The following SFT2D3 variants were observed in gnomAD, a reference collection of about 807,000 sequenced individuals.
SFT2D3 encodes SFT2 domain containing 3.
For missense variants in SFT2D3, 405 were observed against 334.6 expected (o/e 1.21, Z -1.64); for synonymous variants, 239 against 191.2 (o/e 1.25, Z -2.06).
Position 127,701,764 on chromosome 2 carries a change from C to T in SFT2D3, c.236C>T (p.Ala79Val), listed in dbSNP as rs1400301496. ...GTGACGCGCGGGCAGCGGCTGGCGG[C>T]GGGCGGCGGGTGCCTGCTGCTGGCT... Reference protein sequence around the residue: ...PSVTRGQRLAAGGGCLLLAAL... With the variant: ...PSVTRGQRLAVGGGCLLLAAL... The change falls in exon 1 of 1, where the codon GCG becomes GTG. Residue 79 changes from alanine (A) to valine (V), a missense_variant. Ala to Val is a moderately conservative substitution (Grantham distance 64). Transcript: ENST00000310981. The T allele has an allele frequency of 2.8e-6, 4 of 1,423,606 alleles. No individual in the cohort carries two copies. The highest frequency in any genetic ancestry group is 2.6e-5 in the Admixed American group (1 of 38,102). 88.2% of individuals were successfully genotyped at this position (1,423,606 alleles called of 1,614,324 possible). A position where few individuals can be genotyped will look rare whatever the true frequency, so the allele number is the denominator to read the frequency against.
At position 127,703,137 on chromosome 2, in the gene SFT2D3, AACT is replaced by A. The variant is rs1267926434; in HGVS notation, c.*964_*966del. ...GCCTAACATTCTGATGAGTCCAGAA[AACT>A]ACGTTTTGTCAGTAGCAATACACTA... On this transcript the variant is annotated 3_prime_UTR_variant, in exon 1 of 1. Coordinates refer to ENST00000310981, the MANE Select transcript of SFT2D3 (RefSeq NM_032740.4). 6.0e-6 allele frequency: 1 copy of A among 167,078 alleles called. No homozygotes were observed. Among genetic ancestry groups the A allele is most frequent in the Non-Finnish European group, 1.5e-5 (1 of 68,112 alleles). The allele number at this position is 167,078 out of a possible 1,614,324, so 10.3% of individuals were successfully genotyped here. A position where few individuals can be genotyped will look rare whatever the true frequency, so the allele number is the denominator to read the frequency against.
Position 127,701,524 on chromosome 2 carries a change from C to G in SFT2D3, c.-5C>G. On this transcript the variant is annotated 5_prime_UTR_variant, in exon 1 of 1. Coordinates refer to ENST00000310981, the MANE Select transcript of SFT2D3 (RefSeq NM_032740.4). ...CTTTTCCTTTCTGCCACCGCCTTGTCCAAGATGGCGGACCTCCACCGCCAG... is the reference window on the plus strand; with the variant it reads ...CTTTTCCTTTCTGCCACCGCCTTGTGCAAGATGGCGGACCTCCACCGCCAG... 1.5e-6 allele frequency: 2 copies of G among 1,317,712 alleles called. No individual in the cohort carries two copies. Among genetic ancestry groups the G allele is most frequent in the Non-Finnish European group, 1.9e-6 (2 of 1,031,634 alleles). The allele number at this position is 1,317,712 out of a possible 1,614,324, so 81.6% of individuals were successfully genotyped here.
At position 127,702,563 on chromosome 2, in the gene SFT2D3, A is replaced by C. The variant is rs1007982715; in HGVS notation, c.*387A>C. The C allele has an allele frequency of 5.9e-6, 1 of 169,714 alleles. No individual in the cohort carries two copies. The highest frequency in any genetic ancestry group is 2.4e-5 in the African/African-American group (1 of 41,578). 10.5% of individuals were successfully genotyped at this position (169,714 alleles called of 1,614,324 possible). ...TTCTCAGGCTGTTTTGTCATTTTAA[A>C]ATCCAGTGGTAGATGTAGCTTAGCG... On this transcript the variant is annotated 3_prime_UTR_variant, in exon 1 of 1. Transcript: ENST00000310981.
Position 127,701,611 on chromosome 2 carries a change from C to A in SFT2D3, c.83C>A (p.Ala28Asp). Residue 28 changes from alanine (A) to aspartate (D), a missense_variant, in exon 1 of 1, where the codon GCC becomes GAC. Transcript: ENST00000310981. Reference sequence around the variant, plus strand: ...CCGGCGGCCGCGGAGCCGCTGCTCGCCGCGGAGAAGGCGGAGGAGCCCGGG... The same window carrying A: ...CCGGCGGCCGCGGAGCCGCTGCTCGACGCGGAGAAGGCGGAGGAGCCCGGG... ...GGPAAAEPLL[A>D]AEKAEEPGDR... 7.4e-7 allele frequency: 1 copy of A among 1,346,520 alleles called. No homozygotes were observed. The highest frequency in any genetic ancestry group is 1.9e-5 in the South Asian group (1 of 53,840). The allele number at this position is 1,346,520 out of a possible 1,614,324, so 83.4% of individuals were successfully genotyped here.
At position 127,703,057 on chromosome 2, in the gene SFT2D3, A is replaced by AT. The variant is rs1267879429; in HGVS notation, c.*885dup. 1.2e-5 allele frequency: 2 copies of AT among 167,014 alleles called. No individual in the cohort carries two copies. Among genetic ancestry groups the AT allele is most frequent in the Non-Finnish European group, 2.9e-5 (2 of 68,118 alleles). 10.3% of individuals were successfully genotyped at this position (167,014 alleles called of 1,614,324 possible). ...TTTATATCTAATTGCTGCTGCCTTC[A>AT]TTTTAGGTTCAGCAGTTACTTTTAA... On this transcript the variant is annotated 3_prime_UTR_variant, in exon 1 of 1. Coordinates refer to ENST00000310981, the MANE Select transcript of SFT2D3 (RefSeq NM_032740.4).
At position 127,702,075 on chromosome 2, in the gene SFT2D3, G is replaced by C; in HGVS notation, c.547G>C (p.Ala183Pro). The C allele has an allele frequency of 3.3e-6, 4 of 1,222,366 alleles. No individual in the cohort carries two copies. Among genetic ancestry groups the C allele is most frequent in the Non-Finnish European group, 4.1e-6 (4 of 983,312 alleles). The allele number at this position is 1,222,366 out of a possible 1,614,324, so 75.7% of individuals were successfully genotyped here. A position where few individuals can be genotyped will look rare whatever the true frequency, so the allele number is the denominator to read the frequency against. The change falls in exon 1 of 1, where the codon GCG (alanine) becomes CCG (proline). Residue 183 changes from alanine to proline, a missense_variant. Ala to Pro is a conservative substitution (Grantham distance 27). Transcript: ENST00000310981. ...AGAQVAALLAALVGLLPWGGG... is the reference protein window; with the variant it reads ...AGAQVAALLAPLVGLLPWGGG... ...CGCGCAGGTGGCCGCGCTGCTGGCCGCGCTGGTTGGGCTGCTGCCCTGGGG... is the reference window on the plus strand; with the variant it reads ...CGCGCAGGTGGCCGCGCTGCTGGCCCCGCTGGTTGGGCTGCTGCCCTGGGG...
Position 127,702,055 on chromosome 2 carries a change from AGGTGGCCGCGCTGCTGGCCGCGCT to A in SFT2D3, c.531_554del (p.Ala178_Val185del). ...CTCACGGTGCTGGGCGCGGGCGCGC[AGGTGGCCGCGCTGCTGGCCGCGCT>A]GGTTGGGCTGCTGCCCTGGGGCGGC... On this transcript the variant is annotated inframe_deletion, in exon 1 of 1. Transcript: ENST00000310981. The A allele has an allele frequency of 3.3e-6, 4 of 1,225,488 alleles. No individual in the cohort carries two copies. Among genetic ancestry groups the A allele is most frequent in the Non-Finnish European group, 4.1e-6 (4 of 985,644 alleles). 75.9% of individuals were successfully genotyped at this position (1,225,488 alleles called of 1,614,324 possible).
Position 127,701,785 on chromosome 2 carries a change from T to A in SFT2D3, c.257T>A (p.Leu86Gln), listed in dbSNP as rs763854556. The change falls in exon 1 of 1, where the codon CTG becomes CAG. Residue 86 changes from leucine to glutamine, a missense_variant. Leu to Gln is a moderately radical substitution (Grantham distance 113, BLOSUM62 -2). Transcript: ENST00000310981. ...GCGGCGGGCGGCGGGTGCCTGCTGC[T>A]GGCTGCACTGTGTTTCGGCCTAGCC... ...RLAAGGGCLL[L>Q]AALCFGLAAL... 4.6e-4 allele frequency: 664 copies of A among 1,445,710 alleles called. 1 individual carries two copies. Among genetic ancestry groups the A allele is most frequent in the Admixed American group, 1.1e-3 (45 of 39,796 alleles). 89.6% of individuals were successfully genotyped at this position (1,445,710 alleles called of 1,614,324 possible).
At position 127,704,847 on chromosome 2, in the gene SFT2D3, G is replaced by T; in HGVS notation, c.*2671G>T. 1 of 166,792 alleles carries T rather than the reference G, an allele frequency of 6.0e-6. No homozygotes were observed. The highest frequency in any genetic ancestry group is 1.5e-5 in the Non-Finnish European group (1 of 68,124). The allele number at this position is 166,792 out of a possible 1,614,324, so 10.3% of individuals were successfully genotyped here. Reference sequence around the variant, plus strand: ...TCAGATCTGCAATCCCAGCACTTTGGGAGGCCACAGCAGGTGGACCGCTTG... The same window carrying T: ...TCAGATCTGCAATCCCAGCACTTTGTGAGGCCACAGCAGGTGGACCGCTTG... On this transcript the variant is annotated 3_prime_UTR_variant, in exon 1 of 1. Coordinates refer to ENST00000310981, the MANE Select transcript of SFT2D3 (RefSeq NM_032740.4).
At position 127,701,875 on chromosome 2, in the gene SFT2D3, C is replaced by CGGCGCT. The variant is rs1558914254; in HGVS notation, c.352_357dup (p.Leu120_Ala121dup). On this transcript the variant is annotated inframe_insertion, in exon 1 of 1. Transcript: ENST00000310981. The stretch of plus-strand genomic sequence containing the variant: ...TTCGCGCTGCTCTGGTCACTGGGCT[C>CGGCGCT]GGCGCTGGCGTTGGCGGGAAGCGCG... The CGGCGCT allele has an allele frequency of 3.4e-6, 5 of 1,456,712 alleles. No homozygotes were observed. The highest frequency in any genetic ancestry group is 2.5e-5 in the Admixed American group (1 of 39,882). The allele number at this position is 1,456,712 out of a possible 1,614,324, so 90.2% of individuals were successfully genotyped here.
In SFT2D3 at chr2:127,702,240, C is replaced by A; in HGVS notation, c.*64C>A. 8.5e-7 allele frequency: 1 copy of A among 1,181,890 alleles called. No individual in the cohort carries two copies. The highest frequency in any genetic ancestry group is 1.6e-5 in the African/African-American group (1 of 62,248). 73.2% of individuals were successfully genotyped at this position (1,181,890 alleles called of 1,614,324 possible). On this transcript the variant is annotated 3_prime_UTR_variant, in exon 1 of 1. Transcript: ENST00000310981. The stretch of plus-strand genomic sequence containing the variant: ...CAGCGCCGTCGGAGACCGCGCCGGC[C>A]GAGCTGAGGACTGCACGCCGCTGTG...
At position 127,701,765 on chromosome 2, in the gene SFT2D3, G is replaced by T; in HGVS notation, c.237G>T (p.Ala79=). 7.0e-7 allele frequency: 1 copy of T among 1,424,860 alleles called. No homozygotes were observed. Among genetic ancestry groups the T allele is most frequent in the Non-Finnish European group, 9.2e-7 (1 of 1,088,940 alleles). 88.3% of individuals were successfully genotyped at this position (1,424,860 alleles called of 1,614,324 possible). The part of the protein sequence containing the change: ...PSVTRGQRLA[A]GGGCLLLAAL... ...TGACGCGCGGGCAGCGGCTGGCGGC[G>T]GGCGGCGGGTGCCTGCTGCTGGCTG... Residue 79 remains alanine, a synonymous_variant, in exon 1 of 1, where the codon GCG becomes GCT. Transcript: ENST00000310981.
rs577320889 is a variant in SFT2D3, at chr2:127,701,591, GGCCGCGGAGCCGCTGCTC to G, written c.73_90del (p.Pro25_Glu30del). On this transcript the variant is annotated inframe_deletion, in exon 1 of 1. Coordinates refer to ENST00000310981, the MANE Select transcript of SFT2D3 (RefSeq NM_032740.4). ...CGCAGGGGAAAGCTGGCGGCCCGGC[GGCCGCGGAGCCGCTGCTC>G]GCCGCGGAGAAGGCGGAGGAGCCCG... 866 of 1,358,504 alleles carry G rather than the reference GGCCGCGGAGCCGCTGCTC, an allele frequency of 6.4e-4. 15 individuals are homozygous for G. In the South Asian group the frequency reaches 0.014, roughly 22 times the overall value. The allele number at this position is 1,358,504 out of a possible 1,614,324, so 84.2% of individuals were successfully genotyped here. A position where few individuals can be genotyped will look rare whatever the true frequency, so the allele number is the denominator to read the frequency against.
At position 127,701,708 on chromosome 2, in the gene SFT2D3, G is replaced by C; in HGVS notation, c.180G>C (p.Ser60=). 1 of 1,328,052 alleles carries C rather than the reference G, an allele frequency of 7.5e-7. No individual in the cohort carries two copies. Among genetic ancestry groups the C allele is most frequent in the Non-Finnish European group, 9.6e-7 (1 of 1,043,890 alleles). The allele number at this position is 1,328,052 out of a possible 1,614,324, so 82.3% of individuals were successfully genotyped here. Residue 60 remains serine, a synonymous_variant, in exon 1 of 1, where the codon TCG becomes TCC. Coordinates refer to ENST00000310981, the MANE Select transcript of SFT2D3 (RefSeq NM_032740.4). ...CGTGGGCGCGGAGCCCTGCGGAGTC[G>C]GCAGCGGCCGGCCTGACGTGCCTCC... ...RWTWARSPAE[S]AAAGLTCLPS...
At position 127,701,809 on chromosome 2, in the gene SFT2D3, C is replaced by T. The variant is rs930190269; in HGVS notation, c.281C>T (p.Ala94Val). The T allele has an allele frequency of 2.7e-6, 4 of 1,456,456 alleles. No homozygotes were observed. Among genetic ancestry groups the T allele is most frequent in the East Asian group, 3.1e-5 (1 of 32,366 alleles). 90.2% of individuals were successfully genotyped at this position (1,456,456 alleles called of 1,614,324 possible). The change falls in exon 1 of 1, where the codon GCC becomes GTC. Residue 94 changes from alanine to valine, a missense_variant. By Grantham distance (64) the Ala-to-Val change is moderately conservative. Coordinates refer to ENST00000310981, the MANE Select transcript of SFT2D3 (RefSeq NM_032740.4). ...LLLAALCFGL[A>V]ALYAPVLLLR... is the part of the protein sequence containing the mutation. ...CTGGCTGCACTGTGTTTCGGCCTAG[C>T]CGCGCTCTACGCACCGGTGTTGCTG... is the stretch of plus-strand genomic sequence containing the variant.
chr2:127,702,447 T>A lies in SFT2D3; in HGVS notation c.*271T>A, dbSNP rs1451583730. The A allele has an allele frequency of 1.2e-5, 3 of 257,200 alleles. No homozygotes were observed. The highest frequency in any genetic ancestry group is 2.3e-5 in the Non-Finnish European group (3 of 127,784). The allele number at this position is 257,200 out of a possible 1,614,324, so 15.9% of individuals were successfully genotyped here. A position where few individuals can be genotyped will look rare whatever the true frequency, so the allele number is the denominator to read the frequency against. ...AACTGGTGACAGGATGTGAGACGGTTATTAGAAGTTGCTTTCGAAGTAACT... is the reference window on the plus strand; with the variant it reads ...AACTGGTGACAGGATGTGAGACGGTAATTAGAAGTTGCTTTCGAAGTAACT... On this transcript the variant is annotated 3_prime_UTR_variant, in exon 1 of 1. Coordinates refer to ENST00000310981, the MANE Select transcript of SFT2D3 (RefSeq NM_032740.4).
rs1685910153 is a variant in SFT2D3, at chr2:127,702,221, C to T, written c.*45C>T. 5 of 1,199,964 alleles carry T rather than the reference C, an allele frequency of 4.2e-6. No homozygotes were observed. Among genetic ancestry groups the T allele is most frequent in the Non-Finnish European group, 5.2e-6 (5 of 962,046 alleles). 74.3% of individuals were successfully genotyped at this position (1,199,964 alleles called of 1,614,324 possible). A position where few individuals can be genotyped will look rare whatever the true frequency, so the allele number is the denominator to read the frequency against. On this transcript the variant is annotated 3_prime_UTR_variant, in exon 1 of 1. Coordinates refer to ENST00000310981, the MANE Select transcript of SFT2D3 (RefSeq NM_032740.4). ...CTGGGGAAGTACGCGGAGCCAGCGCCGTCGGAGACCGCGCCGGCCGAGCTG... is the reference window on the plus strand; with the variant it reads ...CTGGGGAAGTACGCGGAGCCAGCGCTGTCGGAGACCGCGCCGGCCGAGCTG...
rs1188899592 is a variant in SFT2D3 at position 127,703,112 on chromosome 2, G to A, written c.*936G>A. On this transcript the variant is annotated 3_prime_UTR_variant, in exon 1 of 1. Coordinates refer to ENST00000310981, the MANE Select transcript of SFT2D3 (RefSeq NM_032740.4). The stretch of plus-strand genomic sequence containing the variant: ...CTTAATTTATTGCCAGAAGGTATGA[G>A]CCTAACATTCTGATGAGTCCAGAAA... 1 of 167,028 alleles carries A rather than the reference G, an allele frequency of 6.0e-6. No individual in the cohort carries two copies. Among genetic ancestry groups the A allele is most frequent in the Non-Finnish European group, 1.5e-5 (1 of 68,116 alleles). The allele number at this position is 167,028 out of a possible 1,614,324, so 10.3% of individuals were successfully genotyped here. A position where few individuals can be genotyped will look rare whatever the true frequency, so the allele number is the denominator to read the frequency against.
rs1685907407 is a variant in SFT2D3, at chr2:127,702,125, ACTGGGTCGC to A, written c.603_611del (p.Leu203_Arg205del). 5 of 1,219,096 alleles carry A rather than the reference ACTGGGTCGC, an allele frequency of 4.1e-6. No individual in the cohort carries two copies. The highest frequency in any genetic ancestry group is 5.1e-6 in the Non-Finnish European group (5 of 981,432). The allele number at this position is 1,219,096 out of a possible 1,614,324, so 75.5% of individuals were successfully genotyped here. A position where few individuals can be genotyped will look rare whatever the true frequency, so the allele number is the denominator to read the frequency against. Reference sequence around the variant, plus strand: ...GCGGCGGCACCGCGCTGCGCCTCGCACTGGGTCGCCTGGGCCGCGGCGCCGGCCTCGCCA... The same window carrying A: ...GCGGCGGCACCGCGCTGCGCCTCGCACTGGGCCGCGGCGCCGGCCTCGCCA... On this transcript the variant is annotated inframe_deletion, in exon 1 of 1. Coordinates refer to ENST00000310981, the MANE Select transcript of SFT2D3 (RefSeq NM_032740.4).
Sources: allele counts gnomAD v4.1 joint callset, GRCh38; gene constraint gnomAD v4.1.1; transcripts MANE v1.5; gene names NCBI Gene and HGNC (gene_info 2026-07-23, HGNC 2026-07-21).